RFX2: variants seen among roughly 807,000 people sequenced by gnomAD.
RFX2 encodes the protein regulatory factor X2.
A neutral mutation model predicts 87.8 loss-of-function variants in RFX2; 20 were observed. That is an observed-to-expected ratio of 0.23 (90% confidence interval 0.16 to 0.33). The LOEUF (loss-of-function observed/expected upper bound fraction) is 0.33. Ranked by LOEUF, RFX2 falls within the 10% of genes least tolerant of loss-of-function variation. RFX2 has a pLI of 1.00. For synonymous variants in RFX2, 397 were observed against 431.3 expected (o/e 0.92, Z 0.98); for missense variants, 767 against 1,012.3 (o/e 0.76, Z 3.29).
chr19:6,091,641 T>C (rs1313346339), intron 1 of RFX2, among the ~76,000 whole-genome samples: 1 of 152,210 alleles, frequency 6.6e-6, no homozygotes, highest in African/African-American at 2.4e-5. Context: ...CACGAGAACG[T>C]ACAAAGTACA....
chr19:6,003,749 A>G (rs749959115), intron 13 of RFX2, among the ~76,000 whole-genome samples: 51 of 133,928 alleles, frequency 3.8e-4, no homozygotes, highest in Non-Finnish European at 6.8e-4. Flanking sequence ...ATTGCACTCC[A>G]GCCTGGGCGA....
intron 9 of RFX2, among the ~76,000 whole-genome samples, chr19:6,008,594 C>T (rs949507972): frequency 2.6e-5 from 4 of 151,790 alleles, no homozygotes; most frequent in African/African-American, 7.3e-5. Flanking sequence ...AGGCTGGTCT[C>T]GAACTCCTGA....
chr19:6,067,553 G>A (rs1162455257), intron 1 of RFX2, among the ~76,000 whole-genome samples: 1 of 152,214 alleles, frequency 6.6e-6, no homozygotes, highest in Non-Finnish European at 1.5e-5. Context: ...GGGCAATCTC[G>A]ACCCATGAAG....
Position 5,997,288 on chromosome 19 carries a change from AG to A in RFX2, c.1860-76del. 6.9e-7 allele frequency: 1 copy of A among 1,443,868 alleles called. No individual in the cohort carries two copies. The highest frequency in any genetic ancestry group is 9.3e-7 in the Non-Finnish European group (1 of 1,080,056). The allele number at this position is 1,443,868 out of a possible 1,614,324, so 89.4% of individuals were successfully genotyped here. On this transcript the variant is annotated intron_variant, in intron 15 of 17. Transcript: ENST00000303657. The surrounding 1 kb of genome is among the most constrained non-coding windows in gnomAD (Gnocchi z 4.2). ...CGGGCCCCAGGCCAGACTTCATGGC[AG>A]CAACACACCCCCTGCTCTACGTTCC...
At position 6,007,664 on chromosome 19, in the gene RFX2, G is replaced by T; in HGVS notation, c.1247+26C>A. ...AGGGGGTTAAGTCTGGGGTGGCTGT[G>T]AACCCAGCCAGGGTGTGGCAGTCAC... On this transcript the variant is annotated intron_variant, in intron 11 of 17. Transcript: ENST00000303657. This position sits in a 1 kb window ranked among gnomAD's most constrained non-coding sequence, Gnocchi z 8.2. 1.4e-6 allele frequency: 2 copies of T among 1,438,332 alleles called. No homozygotes were observed. The highest frequency in any genetic ancestry group is 1.9e-6 in the Non-Finnish European group (2 of 1,043,916). The allele number at this position is 1,438,332 out of a possible 1,614,324, so 89.1% of individuals were successfully genotyped here.
intron 1 of RFX2, among the ~76,000 whole-genome samples, chr19:6,107,159 G>C (rs1003480336): frequency 6.6e-6 from 1 of 152,072 alleles, no homozygotes; most frequent in African/African-American, 2.4e-5. Flanking sequence ...AGCCGGGCGT[G>C]GTGGCAGGCG....
chr19:6,029,231 T>C (rs1277464529), intron 5 of RFX2, among the ~76,000 whole-genome samples: 2 of 151,562 alleles, frequency 1.3e-5, no homozygotes, highest in African/African-American at 4.9e-5. Context: ...AAATATCCAG[T>C]TTTCCACAAA....
At chr19:6,075,982 C>T (rs1428239275) in intron 1 of RFX2, among the ~76,000 whole-genome samples, 2 of 152,148 alleles carry the variant, frequency 1.3e-5, no homozygotes, top group African/African-American at 2.4e-5. Context: ...GAGGGAATAT[C>T]GAGCTCTGAA....
intron 17 of RFX2, among the ~76,000 whole-genome samples, chr19:5,995,221 C>T (rs2086389127): frequency 1.3e-5 from 2 of 152,196 alleles, no homozygotes. Flanking sequence ...CTGCTCCCCA[C>T]AGGGCTGGGG....
At position 5,994,867 on chromosome 19, in the gene RFX2, T is replaced by C. The variant is rs781408650; in HGVS notation, c.2140A>G (p.Ser714Gly). The change falls in exon 18 of 18, where the codon AGT becomes GGT. Residue 714 changes from serine (S) to glycine (G), a missense_variant. Transcript: ENST00000303657. ...LGEPLVKRER[S>G]DPNHSLQGI ...CCCTGCAGGGAGTGGTTGGGGTCAC[T>C]GCGCTCCCGCTTTACCAGGGGCTCA... The C allele has an allele frequency of 6.2e-7, 1 of 1,610,492 alleles. No individual in the cohort carries two copies. The highest frequency in any genetic ancestry group is 8.5e-7 in the Non-Finnish European group (1 of 1,179,830).
rs190674642 is a variant in RFX2, at chr19:6,072,235, C to G, written c.-8-24731G>C. 82 of 152,390 alleles carry G rather than the reference C, an allele frequency of 5.4e-4. 1 individual carries two copies. Among genetic ancestry groups the G allele is most frequent in the African/African-American group, 1.9e-3 (79 of 41,586 alleles). The allele number at this position is 152,390 out of a possible 1,614,324, so 9.4% of individuals were successfully genotyped here. On this transcript the variant is annotated intron_variant, in intron 1 of 17. Transcript: ENST00000303657. ...CTGACCCACCGCTTCTCTTCTGATT[C>G]AACTGTAGATTTGGACAAATTGCCA... is the stretch of plus-strand genomic sequence containing the variant.
chr19:6,088,102 T>C (rs1482422378), intron 1 of RFX2, among the ~76,000 whole-genome samples: 1 of 151,690 alleles, frequency 6.6e-6, no homozygotes, highest in African/African-American at 2.4e-5. Flanking sequence ...CAATGACCCC[T>C]GAACACAGAG....
At chr19:6,009,033 T>C (rs1254097916) in intron 9 of RFX2, among the ~76,000 whole-genome samples, 7 of 152,106 alleles carry the variant, frequency 4.6e-5, no homozygotes, top group Non-Finnish European at 7.4e-5. Context: ...GGAGAGGATA[T>C]TGTCACCTCC....
chr19:6,079,763 G>A (rs1238483967), intron 1 of RFX2, among the ~76,000 whole-genome samples: 1 of 151,956 alleles, frequency 6.6e-6, no homozygotes, highest in East Asian at 1.9e-4. Flanking sequence ...GCTCGTGCCT[G>A]TAGTCCCAGC....
chr19:6,096,477 T>G (rs764887040), intron 1 of RFX2, among the ~76,000 whole-genome samples: 1 of 152,142 alleles, frequency 6.6e-6, no homozygotes, highest in African/African-American at 2.4e-5. Context: ...GATGGAGTCT[T>G]GCTCTGTCTC....
chr19:6,008,675 A>ATTT (rs1284518775), intron 9 of RFX2, among the ~76,000 whole-genome samples: 4 of 79,274 alleles, frequency 5.0e-5, no homozygotes, highest in South Asian at 3.9e-4. Context: ...ATGCCCGGCC[A>ATTT]TTTTTTTTTT....
chr19:6,034,787 T>C (rs574394059), intron 5 of RFX2, among the ~76,000 whole-genome samples: 51 of 152,296 alleles, frequency 3.3e-4, no homozygotes, highest in African/African-American at 1.1e-3. Flanking sequence ...GCCACCTCCA[T>C]GGACCACCAG....
intron 12 of RFX2, among the ~76,000 whole-genome samples, chr19:6,005,764 C>G (rs982997028): frequency 3.9e-5 from 6 of 152,186 alleles, no homozygotes; most frequent in African/African-American, 1.4e-4. Context: ...CTGCAGGAGT[C>G]CAGGGCCATG....
At chr19:6,032,722 CTATT>C (rs2086967848) in intron 5 of RFX2, among the ~76,000 whole-genome samples, 1 of 152,346 alleles carries the variant, frequency 6.6e-6, no homozygotes, top group East Asian at 1.9e-4. Flanking sequence ...CCCTCAGTCT[CTATT>C]TAGTTCTGCA....
Sources: gnomAD v4.1 joint callset for allele counts (sites outside exome capture counted in the v4.1 genomes callset) on GRCh38, gnomAD v4.1.1 for gene constraint, Gnocchi (gnomAD v3.1) non-coding constraint, MANE v1.5 for transcripts, NCBI Gene and HGNC (gene_info 2026-07-23, HGNC 2026-07-21) for gene names.